Variants in KAT6B observed in about 807,000 individuals in gnomAD.
KAT6B encodes lysine acetyltransferase 6B.
In KAT6B, 10 loss-of-function variants were observed where a neutral mutation model predicts 187.5. The observed-to-expected ratio is 0.05, with a 90% confidence interval of 0.03 to 0.09. The LOEUF (loss-of-function observed/expected upper bound fraction) is 0.09, where lower values mean the gene tolerates loss of function less well. Ranked by LOEUF, KAT6B falls within the 10% of genes least tolerant of loss-of-function variation. KAT6B has a pLI of 1.00. For missense variants in KAT6B, 1,952 were observed against 2,558.9 expected (o/e 0.76, Z 5.12); for synonymous variants, 861 against 926.8 (o/e 0.93, Z 1.29).
At chr10:74,965,252 C>T (rs1034091465) in intron 4 of KAT6B, among the ~76,000 whole-genome samples, 10 of 152,212 alleles carry the variant, frequency 6.6e-5, no homozygotes, top group Non-Finnish European at 1.5e-4. Flanking sequence ...ATCTTCCCTG[C>T]TCTTCCCCTC....
intron 3 of KAT6B, among the ~76,000 whole-genome samples, chr10:74,848,342 A>G (rs1842250587): frequency 6.6e-6 from 1 of 152,178 alleles, no homozygotes; most frequent in South Asian, 2.1e-4. Context: ...TTCTTAAAAC[A>G]TAAAGAGATT....
At chr10:74,986,361 C>T (rs780154921) in intron 12 of KAT6B, among the ~76,000 whole-genome samples, 2 of 152,112 alleles carry the variant, frequency 1.3e-5, no homozygotes, top group African/African-American at 2.4e-5. Flanking sequence ...GATAGAAGGT[C>T]CAAACTCTCT....
intron 3 of KAT6B, among the ~76,000 whole-genome samples, chr10:74,900,028 A>G (rs748180681): frequency 8.5e-5 from 13 of 152,176 alleles, no homozygotes; most frequent in Non-Finnish European, 1.5e-5. Context: ...AGAGGTCAGT[A>G]GGATTCTTAG....
chr10:74,856,023 G>A (rs1012857473), intron 3 of KAT6B, among the ~76,000 whole-genome samples: 9 of 151,962 alleles, frequency 5.9e-5, no homozygotes, highest in African/African-American at 2.2e-4. Context: ...CAAAAAATTC[G>A]GCAGTGGAAT....
chr10:75,005,402 G>A (rs577612719), intron 13 of KAT6B, among the ~76,000 whole-genome samples: 1 of 151,994 alleles, frequency 6.6e-6, no homozygotes, highest in East Asian at 1.9e-4. Flanking sequence ...ATTTTTAGTA[G>A]AGACAGGGTT....
chr10:74,901,099 C>G (rs1846357989), intron 3 of KAT6B, among the ~76,000 whole-genome samples: 1 of 151,988 alleles, frequency 6.6e-6, no homozygotes, highest in South Asian at 2.1e-4. Flanking sequence ...AAAATGTGAT[C>G]ACCATGACCC....
chr10:74,976,674 C>T (rs1314440645), intron 8 of KAT6B: 4 of 383,674 alleles, frequency 1.0e-5, no homozygotes, highest in Non-Finnish European at 2.0e-5. Context: ...CCCATGTCAC[C>T]TCTGCAGCCA....
chr10:74,914,333 G>T (rs1457061041), intron 3 of KAT6B, among the ~76,000 whole-genome samples: 1 of 152,092 alleles, frequency 6.6e-6, no homozygotes, highest in African/African-American at 2.4e-5. Context: ...AACAAATGCT[G>T]TTCTCACAAA....
At chr10:74,880,838 A>G (rs1184373031) in intron 3 of KAT6B, among the ~76,000 whole-genome samples, 1 of 150,204 alleles carries the variant, frequency 6.7e-6, no homozygotes, top group Admixed American at 6.6e-5. Context: ...CTGGTCTCGA[A>G]CTCCTGGGCT....
intron 3 of KAT6B, among the ~76,000 whole-genome samples, chr10:74,915,149 A>G (rs971307847): frequency 1.3e-5 from 2 of 152,144 alleles, no homozygotes; most frequent in Non-Finnish European, 2.9e-5. Flanking sequence ...GCAAAAATAT[A>G]TGTTTCTTCA....
chr10:74,885,313 A>G (rs1845158632), intron 3 of KAT6B, among the ~76,000 whole-genome samples: 1 of 152,090 alleles, frequency 6.6e-6, no homozygotes, highest in Non-Finnish European at 1.5e-5. Flanking sequence ...TCAGCCTCCC[A>G]AAGGAGAAAA....
At chr10:74,856,096 C>G (rs1340813607) in intron 3 of KAT6B, among the ~76,000 whole-genome samples, 2 of 151,990 alleles carry the variant, frequency 1.3e-5, no homozygotes, top group African/African-American at 2.4e-5. Context: ...TAACTTTTGA[C>G]TTTTTTTGAG....
intron 4 of KAT6B, among the ~76,000 whole-genome samples, chr10:74,969,201 C>G (rs1471966095): frequency 6.6e-6 from 1 of 152,046 alleles, no homozygotes; most frequent in African/African-American, 2.4e-5. Flanking sequence ...TGTTAAGCAG[C>G]CTCAATTTTT....
chr10:74,932,818 TCTC>T (rs1441360100), intron 3 of KAT6B, among the ~76,000 whole-genome samples: 2 of 152,102 alleles, frequency 1.3e-5, no homozygotes, highest in African/African-American at 4.8e-5. Context: ...GTCCATCTGT[TCTC>T]CTCCAGGAAC....
At chr10:74,970,306 T>TAC (rs1341223769) in intron 6 of KAT6B, among the ~76,000 whole-genome samples, 2 of 151,494 alleles carry the variant, frequency 1.3e-5, no homozygotes, top group Non-Finnish European at 2.9e-5. Flanking sequence ...TGTATATATA[T>TAC]ACATATATAT....
intron 3 of KAT6B, among the ~76,000 whole-genome samples, chr10:74,934,055 A>G (rs1386423552): frequency 1.3e-5 from 2 of 151,874 alleles, no homozygotes; most frequent in Non-Finnish European, 2.9e-5. Flanking sequence ...GCGTGGTGGC[A>G]GGTACCTATA....
chr10:74,852,078 C>T (rs957396014), intron 3 of KAT6B, among the ~76,000 whole-genome samples: 1 of 152,100 alleles, frequency 6.6e-6, no homozygotes, highest in African/African-American at 2.4e-5. Context: ...GGGAATTGTT[C>T]ATAGTCTCAG....
intron 3 of KAT6B, among the ~76,000 whole-genome samples, chr10:74,884,423 A>G (rs547390197): frequency 6.6e-6 from 1 of 152,342 alleles, no homozygotes; most frequent in African/African-American, 2.4e-5. Context: ...CATTGTGATG[A>G]GACAAATCTA....
At chr10:74,990,044 A>G (rs1843029214) in intron 13 of KAT6B, among the ~76,000 whole-genome samples, 1 of 151,688 alleles carries the variant, frequency 6.6e-6, no homozygotes, top group Non-Finnish European at 1.5e-5. Context: ...AAAATACAAA[A>G]ATTAGCTGGA....
Sources: allele counts gnomAD v4.1 joint callset (sites outside exome capture counted in the v4.1 genomes callset), GRCh38; gene constraint gnomAD v4.1.1; transcripts MANE v1.5; gene names NCBI Gene and HGNC (gene_info 2026-07-23, HGNC 2026-07-21).